Variants in EYS observed in about 807,000 individuals in gnomAD.
EYS encodes the protein protein eyes shut homolog.
In EYS, 250 loss-of-function variants were observed where a neutral mutation model predicts 282.1. That is an observed-to-expected ratio of 0.89 (90% CI 0.80 to 0.98). EYS has a LOEUF of 0.98. EYS is among the 50% of genes least tolerant of loss of function. EYS has a pLI of 0.00. For missense variants in EYS, 4,016 were observed against 3,709.0 expected (o/e 1.08, Z -2.15); for synonymous variants, 1,355 against 1,282.9 (o/e 1.06, Z -1.20).
intron 28 of EYS, 33 bp downstream of exon 28, chr6:64,436,141 T>C (rs1365933650): frequency 7.7e-7 from 1 of 1,303,728 alleles, no homozygotes; most frequent in Admixed American, 2.2e-5. Flanking sequence ...TGCTACTTAA[T>C]GAGATTAACT....
intron 14 of EYS, among the ~76,000 whole-genome samples, chr6:64,996,611 T>C (rs986863477): frequency 3.3e-5 from 5 of 152,054 alleles, no homozygotes; most frequent in African/African-American, 4.8e-5. Flanking sequence ...CACAAATACT[T>C]GAAAAGTGGC....
At chr6:64,395,089 C>T (rs1460201326) in intron 28 of EYS, among the ~76,000 whole-genome samples, 1 of 152,162 alleles carries the variant, frequency 6.6e-6, no homozygotes, top group Non-Finnish European at 1.5e-5. Context: ...GCGATACCAT[C>T]TCACACCAGT....
chr6:65,495,061 T>C lies in EYS; in HGVS notation c.350A>G (p.Asn117Ser). 1.9e-6 allele frequency: 3 copies of C among 1,614,192 alleles called. No individual in the cohort carries two copies. Among genetic ancestry groups the C allele is most frequent in the Non-Finnish European group, 2.5e-6 (3 of 1,180,020 alleles). ...SETSFVGCVQ[N>S]TTTEDQLLFG... ...AAGTAACTGATCTTCCGTTGTGGTA[T>C]TTTGCACACAGCCAACGAAAGATGT... is the stretch of plus-strand genomic sequence containing the variant. Residue 117 changes from asparagine to serine, a missense_variant, in exon 4 of 43, where the codon AAT becomes AGT. Coordinates refer to ENST00000503581, the MANE Select transcript of EYS (RefSeq NM_001142800.2).
chr6:64,716,762 T>A (rs2149939393), intron 22 of EYS, among the ~76,000 whole-genome samples: 2 of 152,292 alleles, frequency 1.3e-5, no homozygotes, highest in South Asian at 4.1e-4. Flanking sequence ...TTCTTTACGT[T>A]GATATTTTTT....
chr6:63,768,728 C>T (rs1769858904), intron 40 of EYS, among the ~76,000 whole-genome samples: 1 of 151,994 alleles, frequency 6.6e-6, no homozygotes, highest in Admixed American at 6.6e-5. Context: ...TGGCTATATA[C>T]CCAAAGGAAT....
At chr6:63,991,805 A>C (rs936433194) in intron 34 of EYS, among the ~76,000 whole-genome samples, 1 of 151,926 alleles carries the variant, frequency 6.6e-6, no homozygotes, top group Admixed American at 6.6e-5. Flanking sequence ...GAGACATACT[A>C]TAGCCAAAAC....
At chr6:64,352,914 T>C (rs1344881357) in intron 29 of EYS, among the ~76,000 whole-genome samples, 2 of 151,514 alleles carry the variant, frequency 1.3e-5, no homozygotes, top group Non-Finnish European at 3.0e-5. Context: ...ATTCTAATGG[T>C]TTTTACCTAG....
chr6:65,047,190 A>G (rs1773130983), intron 13 of EYS, among the ~76,000 whole-genome samples: 1 of 150,514 alleles, frequency 6.6e-6, no homozygotes, highest in Non-Finnish European at 1.5e-5. Flanking sequence ...ATAAATTGTT[A>G]TTTTTCTAGT....
rs200388279 is a variant in EYS, at chr6:64,491,825, C to A, written c.5645-52473G>T. On this transcript the variant is annotated intron_variant, in intron 26 of 42. Transcript: ENST00000503581. Reference sequence around the variant, plus strand: ...AGGTTTCTTATAAAAGTAAATTATTCTTCTCTCTGTTAATGTCATAATGCA... The same window carrying A: ...AGGTTTCTTATAAAAGTAAATTATTATTCTCTCTGTTAATGTCATAATGCA... Among the ~76,000 whole-genome samples the A allele has an allele frequency of 8.6e-3, 642 of 74,442 alleles. 18 individuals carry two copies. Among genetic ancestry groups the A allele is most frequent in the Admixed American group, 0.066 (503 of 7,610 alleles). The allele number at this position is 74,442 out of a possible 152,430, so 48.8% of individuals were successfully genotyped here. A position where few individuals can be genotyped will look rare whatever the true frequency, so the allele number is the denominator to read the frequency against.
intron 22 of EYS, among the ~76,000 whole-genome samples, chr6:64,759,499 C>T (rs978324863): frequency 1.3e-5 from 2 of 152,098 alleles, no homozygotes; most frequent in Non-Finnish European, 2.9e-5. Flanking sequence ...TAAGCAAAAT[C>T]ATCCTATTTT....
At chr6:64,983,927 T>G (rs2150118301) in intron 14 of EYS, among the ~76,000 whole-genome samples, 1 of 151,424 alleles carries the variant, frequency 6.6e-6, no homozygotes, top group East Asian at 2.0e-4. Flanking sequence ...ACACCTGGCA[T>G]AGAGCATCTT....
chr6:65,237,351 A>T (rs1332028002), intron 12 of EYS, among the ~76,000 whole-genome samples: 1 of 148,354 alleles, frequency 6.7e-6, no homozygotes, highest in African/African-American at 2.6e-5. Context: ...TTTTAGAAAT[A>T]TCATTACATT....
intron 28 of EYS, among the ~76,000 whole-genome samples, chr6:64,394,834 G>T (rs1773301333): frequency 6.6e-6 from 1 of 152,134 alleles, no homozygotes; most frequent in Non-Finnish European, 1.5e-5. Flanking sequence ...TACCATCAGA[G>T]TGAACAGGCA....
chr6:63,729,412 T>G (rs1768722765), intron 41 of EYS, among the ~76,000 whole-genome samples: 1 of 152,074 alleles, frequency 6.6e-6, no homozygotes, highest in Non-Finnish European at 1.5e-5. Flanking sequence ...GTCATCTAGA[T>G]TTTCTCTTAT....
intron 16 of EYS, among the ~76,000 whole-genome samples, chr6:64,907,716 C>G (rs747912156): frequency 5.9e-5 from 9 of 152,034 alleles, no homozygotes; most frequent in Admixed American, 6.5e-5. Flanking sequence ...AGCATCAACT[C>G]TAAAGAAGGG....
At chr6:65,383,598 A>T (rs558019195) in intron 8 of EYS, among the ~76,000 whole-genome samples, 1 of 151,560 alleles carries the variant, frequency 6.6e-6, no homozygotes, top group Non-Finnish European at 1.5e-5. Context: ...TGAAAAAAAA[A>T]AGCTTTGCAG....
chr6:64,835,712 A>T (rs1187753112), intron 19 of EYS, among the ~76,000 whole-genome samples: 1 of 151,616 alleles, frequency 6.6e-6, no homozygotes, highest in Admixed American at 6.6e-5. Flanking sequence ...GTTTCAACAC[A>T]TAGAGTCAAT....
chr6:63,869,007 G>T, intron 35 of EYS, among the ~76,000 whole-genome samples: 1 of 152,042 alleles, frequency 6.6e-6, no homozygotes, highest in East Asian at 1.9e-4. Flanking sequence ...TGAAAATAAT[G>T]GGAAAAAAAT....
intron 5 of EYS, chr6:65,489,982 T>C (rs1476570931): frequency 1.3e-5 from 2 of 151,854 alleles, no homozygotes; most frequent in Non-Finnish European, 2.9e-5. Context: ...CTGTTGGGGG[T>C]TGGCGGCTAG....
Sources: gnomAD v4.1 joint callset for allele counts (sites outside exome capture counted in the v4.1 genomes callset) on GRCh38, gnomAD v4.1.1 for gene constraint, MANE v1.5 for transcripts, NCBI Gene and HGNC (gene_info 2026-07-23, HGNC 2026-07-21) for gene names.